The following RXRA variants were observed in gnomAD, a reference collection of about 807,000 sequenced individuals.
RXRA encodes the protein retinoic acid receptor RXR-alpha.
In RXRA, 5 loss-of-function variants were observed where a neutral mutation model predicts 44.5. That is an observed-to-expected ratio of 0.11 (90% CI 0.06 to 0.24). The LOEUF is 0.24. RXRA is among the 10% of genes least tolerant of loss of function. The pLI is 1.00. For synonymous variants in RXRA, 291 were observed against 271.4 expected (o/e 1.07, Z -0.71); for missense variants, 412 against 646.5 (o/e 0.64, Z 3.93).
intron 1 of RXRA, among the ~76,000 whole-genome samples, chr9:134,388,035 A>T (rs750805503): frequency 6.6e-5 from 10 of 152,022 alleles, no homozygotes; most frequent in Non-Finnish European, 1.5e-4. Flanking sequence ...TTATCGCTGC[A>T]CCCCATGGTG....
intron 1 of RXRA, among the ~76,000 whole-genome samples, chr9:134,360,826 C>T (rs1331904628): frequency 1.3e-5 from 2 of 152,200 alleles, no homozygotes; most frequent in South Asian, 2.1e-4. Context: ...CTGGGGACCC[C>T]GAGGCCTGCC....
intron 1 of RXRA, among the ~76,000 whole-genome samples, chr9:134,377,649 A>G (rs182278264): frequency 3.3e-4 from 51 of 152,248 alleles, no homozygotes; most frequent in African/African-American, 1.2e-3. Context: ...CCTTTATGAA[A>G]ACAGAGGTCA....
intron 1 of RXRA, among the ~76,000 whole-genome samples, chr9:134,368,081 G>T (rs1250348309): frequency 6.6e-6 from 1 of 152,256 alleles, no homozygotes; most frequent in Non-Finnish European, 1.5e-5. Flanking sequence ...GCCTGCGGCA[G>T]CGGGCCTGGG....
chr9:134,376,280 G>T (rs1322275489), intron 1 of RXRA, among the ~76,000 whole-genome samples: 1 of 152,184 alleles, frequency 6.6e-6, no homozygotes, highest in Non-Finnish European at 1.5e-5. Flanking sequence ...GGTTGTGGGG[G>T]TCTAGGAGCT....
intron 1 of RXRA, among the ~76,000 whole-genome samples, chr9:134,376,358 T>C (rs1830557304): frequency 6.6e-6 from 1 of 152,290 alleles, no homozygotes; most frequent in African/African-American, 2.4e-5. Flanking sequence ...TGCGTGTGCC[T>C]GTGTGCCCCA....
intron 1 of RXRA, among the ~76,000 whole-genome samples, chr9:134,339,685 G>A (rs1022100681): frequency 6.6e-6 from 1 of 150,890 alleles, no homozygotes; most frequent in South Asian, 2.1e-4. Context: ...CTGTGTGTGT[G>A]TGTGTCTCTG....
In RXRA at chr9:134,349,607, C is replaced by T. The variant is rs1370014714; in HGVS notation, c.28+22948C>T. On this transcript the variant is annotated intron_variant, in intron 1 of 9. Coordinates refer to ENST00000481739, the MANE Select transcript of RXRA (RefSeq NM_002957.6). This position sits in a 1 kb window ranked among gnomAD's most constrained non-coding sequence, Gnocchi z 4.3. The stretch of plus-strand genomic sequence containing the variant: ...ACAGGGGCAGGGTTCTCAGGTGGCC[C>T]CCATGAGTGGGTGACATCAGGAGAC... Among the ~76,000 whole-genome samples, 4 of 152,162 alleles carry T rather than the reference C, an allele frequency of 2.6e-5. No individual in the cohort carries two copies. The highest frequency in any genetic ancestry group is 5.9e-5 in the Non-Finnish European group (4 of 68,026).
At chr9:134,402,179 G>C (rs1283462339) in intron 2 of RXRA, 5 of 471,444 alleles carry the variant, frequency 1.1e-5, no homozygotes, top group Non-Finnish European at 1.9e-5. Context: ...TCCCATGACT[G>C]GGGGACTCAG....
intron 4 of RXRA, among the ~76,000 whole-genome samples, chr9:134,414,635 C>T (rs1252161538): frequency 6.6e-6 from 1 of 152,244 alleles, no homozygotes; most frequent in African/African-American, 2.4e-5. Context: ...GAGCGCTCAG[C>T]CCTGCCCCTT....
chr9:134,430,279 G>C (rs1463070142), intron 7 of RXRA, among the ~76,000 whole-genome samples: 1 of 152,250 alleles, frequency 6.6e-6, no homozygotes, highest in East Asian at 1.9e-4. Flanking sequence ...GGAGCGGGAA[G>C]GCTGGGGAGG....
intron 1 of RXRA, among the ~76,000 whole-genome samples, chr9:134,328,152 A>T (rs1476764877): frequency 1.3e-5 from 2 of 152,152 alleles, no homozygotes; most frequent in African/African-American, 4.8e-5. Flanking sequence ...TTGCACTCAC[A>T]CATGTGCACA....
chr9:134,360,683 C>T (rs1027900882), intron 1 of RXRA, among the ~76,000 whole-genome samples: 14 of 152,202 alleles, frequency 9.2e-5, no homozygotes, highest in Non-Finnish European at 1.5e-4. Flanking sequence ...ACAGGGCCTT[C>T]GTGTATTGGG....
At chr9:134,368,588 G>A (rs1331697842) in intron 1 of RXRA, among the ~76,000 whole-genome samples, 1 of 151,974 alleles carries the variant, frequency 6.6e-6, no homozygotes, top group Non-Finnish European at 1.5e-5. Flanking sequence ...ATGTGTGACT[G>A]TAGGTGACTG....
At chr9:134,345,361 G>A (rs2119034227) in intron 1 of RXRA, among the ~76,000 whole-genome samples, 1 of 152,334 alleles carries the variant, frequency 6.6e-6, no homozygotes, top group East Asian at 1.9e-4. Flanking sequence ...GTTTTTGTGT[G>A]CCCTTGGGTG....
At chr9:134,341,212 C>T (rs1308502618) in intron 1 of RXRA, among the ~76,000 whole-genome samples, 2 of 152,192 alleles carry the variant, frequency 1.3e-5, no homozygotes, top group Non-Finnish European at 2.9e-5. Flanking sequence ...CCCTGCACCC[C>T]AGTGCTGATG....
chr9:134,427,957 A>C (rs1270289625), intron 6 of RXRA, among the ~76,000 whole-genome samples: 1 of 152,098 alleles, frequency 6.6e-6, no homozygotes, highest in East Asian at 1.9e-4. Context: ...CACCCTGTCT[A>C]TAAGAGCTGT....
chr9:134,387,186 C>T (rs1564280667), intron 1 of RXRA, among the ~76,000 whole-genome samples: 1 of 152,252 alleles, frequency 6.6e-6, no homozygotes, highest in Non-Finnish European at 1.5e-5. Flanking sequence ...GAGGCCAGAG[C>T]CGGCTCCCGG....
At chr9:134,398,642 C>T (rs761201412) in intron 1 of RXRA, among the ~76,000 whole-genome samples, 1 of 152,236 alleles carries the variant, frequency 6.6e-6, no homozygotes, top group East Asian at 1.9e-4. Context: ...CTCCAGTCCC[C>T]TCCTCCAACT....
intron 8 of RXRA, 75 bp from the exon 9 acceptor site, chr9:134,434,027 A>C: frequency 3.5e-6 from 4 of 1,130,930 alleles, no homozygotes; most frequent in Non-Finnish European, 5.2e-6. Flanking sequence ...GACCCCACAC[A>C]AGCCTGGGTC....
Sources: allele counts gnomAD v4.1 joint callset (sites outside exome capture counted in the v4.1 genomes callset), GRCh38; gene constraint gnomAD v4.1.1; non-coding constraint Gnocchi (gnomAD v3.1); transcripts MANE v1.5; gene names NCBI Gene and HGNC (gene_info 2026-07-23, HGNC 2026-07-21).